Variants in EDC4 observed in about 807,000 individuals in gnomAD.
The protein encoded by EDC4 is enhancer of mRNA decapping 4.
Under a neutral mutation model 155.8 loss-of-function variants are expected in EDC4, and 64 were observed. That is an observed-to-expected ratio of 0.41 (90% CI 0.34 to 0.51). The LOEUF is 0.51. EDC4 is among the 20% of genes least tolerant of loss of function. The probability of loss-of-function intolerance (pLI) is 0.19; values close to 1 mark genes in which losing one functional copy is unlikely to be tolerated. For missense variants in EDC4, 1,303 were observed against 1,812.5 expected (o/e 0.72, Z 5.10); for synonymous variants, 684 against 716.8 (o/e 0.95, Z 0.73).
chr16:67,873,237 G>A lies in EDC4; in HGVS notation c.-25G>A, dbSNP rs1283323734. The A allele has an allele frequency of 2.9e-6, 4 of 1,384,032 alleles. No homozygotes were observed. Among genetic ancestry groups the A allele is most frequent in the Non-Finnish European group, 3.7e-6 (4 of 1,075,696 alleles). 85.7% of individuals were successfully genotyped at this position (1,384,032 alleles called of 1,614,324 possible). A position where few individuals can be genotyped will look rare whatever the true frequency, so the allele number is the denominator to read the frequency against. On this transcript the variant is annotated 5_prime_UTR_variant, in exon 1 of 29. Transcript: ENST00000358933. ...GGCGGCGGCGGAACGAACGCGGTGC[G>A]GGCGGGGCGCCCGCCGCAGGGCCCA...
rs1225187290 is a variant in EDC4, at chr16:67,877,261, A to G, written c.496A>G (p.Thr166Ala). The change falls in exon 5 of 29, where the codon ACT (threonine) becomes GCT (alanine). Residue 166 changes from threonine (T) to alanine (A), a missense_variant. Thr to Ala is a moderately conservative substitution (Grantham distance 58). This residue lies in a region of EDC4 where 51 missense variants were observed against 121.1 expected (regional missense o/e 0.42). Transcript: ENST00000358933. This position sits in a 1 kb window ranked among gnomAD's most constrained non-coding sequence, Gnocchi z 4.9. ...CATGGTGCGGGTGATCAGCGTCAGC[A>G]CTTCGGAGCGGACCTTGCTCAAGGG... ...SAMVRVISVS[T>A]SERTLLKGFT... 1 of 1,614,190 alleles carries G rather than the reference A, an allele frequency of 6.2e-7. No individual in the cohort carries two copies.
Position 67,875,966 on chromosome 16 carries a change from G to A in EDC4, c.104G>A (p.Arg35Gln), listed in dbSNP as rs374399401. ...PAGGPSAESP[R>Q]PSSAYNGDLN... ...CCAGGCCCCAGTGCAGAGAGCCCAC[G>A]GCCATCCAGTGCCTACAATGGGGAC... is the stretch of plus-strand genomic sequence containing the variant. The change falls in exon 2 of 29, where the codon CGG (arginine) becomes CAG (glutamine). Residue 35 changes from arginine to glutamine, a missense_variant. Around this residue, in one of 5 missense-constraint regions of EDC4, gnomAD observed 99 missense variants for 121.3 expected, o/e 0.82. Transcript: ENST00000358933. The A allele has an allele frequency of 1.4e-5, 22 of 1,613,774 alleles. No homozygotes were observed. Among genetic ancestry groups the A allele is most frequent in the Middle Eastern group, 3.4e-4 (2 of 5,956 alleles).
chr16:67,878,660 TG>T lies in EDC4; in HGVS notation c.1184+32del, dbSNP rs772594833. On this transcript the variant is annotated intron_variant, in intron 10 of 28. Transcript: ENST00000358933. The surrounding 1 kb of genome is among the most constrained non-coding windows in gnomAD (Gnocchi z 5.2). ...AGCAGTGGCTGGAAGGCTGGGGGAC[TG>T]GGCAGGGGCGGCAGGGTTGGGAATG... 1.1e-5 allele frequency: 17 copies of T among 1,614,084 alleles called. No individual in the cohort carries two copies. The South Asian group carries it at 1.1e-4, about 10-fold the overall frequency.
chr16:67,874,152 G>A (rs2151303774), intron 1 of EDC4, among the ~76,000 whole-genome samples: 1 of 152,222 alleles, frequency 6.6e-6, no homozygotes, highest in African/African-American at 2.4e-5. Flanking sequence ...TGTGAACAGG[G>A]GCTTGGGTGT....
Position 67,875,973 on chromosome 16 carries a change from C to T in EDC4, c.111C>T (p.Ser37=). ...GGPSAESPRP[S]SAYNGDLNGL... is the part of the protein sequence containing the mutation. Reference sequence around the variant, plus strand: ...CCAGTGCAGAGAGCCCACGGCCATCCAGTGCCTACAATGGGGACCTCAATG... The same window carrying T: ...CCAGTGCAGAGAGCCCACGGCCATCTAGTGCCTACAATGGGGACCTCAATG... The change falls in exon 2 of 29, where the codon TCC becomes TCT. Residue 37 remains serine (S), a synonymous_variant. Coordinates refer to ENST00000358933, the MANE Select transcript of EDC4 (RefSeq NM_014329.5). 1.9e-6 allele frequency: 3 copies of T among 1,614,064 alleles called. No individual in the cohort carries two copies. Among genetic ancestry groups the T allele is most frequent in the Non-Finnish European group, 2.5e-6 (3 of 1,180,016 alleles).
rs771266143 is a variant in EDC4 at position 67,877,730 on chromosome 16, G to A, written c.790-11G>A. 6.2e-7 allele frequency: 1 copy of A among 1,614,148 alleles called. No homozygotes were observed. Among genetic ancestry groups the A allele is most frequent in the Non-Finnish European group, 8.5e-7 (1 of 1,180,034 alleles). ...GGTTGGGCTGCACACTCACCTCCCT[G>A]TGCCTTCCAGGCTGAGGTGTGGGAC... is the stretch of plus-strand genomic sequence containing the variant. On this transcript the variant is annotated splice_polypyrimidine_tract_variant and intron_variant, in intron 6 of 28. Transcript: ENST00000358933. The surrounding 1 kb of genome is among the most constrained non-coding windows in gnomAD (Gnocchi z 4.9).
In EDC4 at chr16:67,877,667, T is replaced by C. The variant is rs944458985; in HGVS notation, c.789+11T>C. 6.2e-7 allele frequency: 1 copy of C among 1,613,976 alleles called. No homozygotes were observed. Among genetic ancestry groups the C allele is most frequent in the Non-Finnish European group, 8.5e-7 (1 of 1,180,018 alleles). On this transcript the variant is annotated intron_variant, in intron 6 of 28. Transcript: ENST00000358933. The surrounding 1 kb of genome is among the most constrained non-coding windows in gnomAD (Gnocchi z 4.9). ...CTGCATGAAGACCGGGTGAGGGGGCTGACATGGCGAAGAGGCGCCAGAGAA... is the reference window on the plus strand; with the variant it reads ...CTGCATGAAGACCGGGTGAGGGGGCCGACATGGCGAAGAGGCGCCAGAGAA...
Position 67,877,907 on chromosome 16 carries a change from C to A in EDC4, c.894+62C>A. Reference sequence around the variant, plus strand: ...ACTTCCTCATATCCATCTTCTGTTCCCTATATCCACAGCTGCCCGGGCAGC... The same window carrying A: ...ACTTCCTCATATCCATCTTCTGTTCACTATATCCACAGCTGCCCGGGCAGC... On this transcript the variant is annotated intron_variant, in intron 7 of 28. Coordinates refer to ENST00000358933, the MANE Select transcript of EDC4 (RefSeq NM_014329.5). The surrounding 1 kb of genome is among the most constrained non-coding windows in gnomAD (Gnocchi z 4.9). The A allele has an allele frequency of 6.3e-7, 1 of 1,598,930 alleles. No individual in the cohort carries two copies.
At chr16:67,875,639 C>A in intron 1 of EDC4, 1 of 890,990 alleles carries the variant, frequency 1.1e-6, no homozygotes, top group Non-Finnish European at 1.4e-6. Flanking sequence ...CTGACCCCTC[C>A]TATGCCCTCA....
Position 67,879,681 on chromosome 16 carries a change from T to C in EDC4, c.1728T>C (p.Pro576=), listed in dbSNP as rs1350829936. ...ACCTCCGACGAATCGTGGAGCTGCCTGCACCTGCCGACTTCCTCAGTCTGA... is the reference window on the plus strand; with the variant it reads ...ACCTCCGACGAATCGTGGAGCTGCCCGCACCTGCCGACTTCCTCAGTCTGA... ...QPDLRRIVEL[P]APADFLSLSS... is the part of the protein sequence containing the mutation. Residue 576 remains proline, a synonymous_variant, in exon 15 of 29, where the codon CCT becomes CCC. Coordinates refer to ENST00000358933, the MANE Select transcript of EDC4 (RefSeq NM_014329.5). The surrounding 1 kb of genome is among the most constrained non-coding windows in gnomAD (Gnocchi z 6.0). 2 of 1,614,154 alleles carry C rather than the reference T, an allele frequency of 1.2e-6. No homozygotes were observed. Among genetic ancestry groups the C allele is most frequent in the African/African-American group, 1.3e-5 (1 of 75,024 alleles).
Position 67,878,828 on chromosome 16 carries a change from G to A in EDC4, c.1276G>A (p.Val426Met). The part of the protein sequence containing the change: ...LSAEYLILSD[V>M]QRKVLYVMEL... ...AGCAGAATACCTGATTCTCAGCGAT[G>A]TGCAACGGAAGGTAGGCTGCCATGG... Residue 426 changes from valine (V) to methionine (M), a missense_variant, in exon 11 of 29, where the codon GTG (valine) becomes ATG (methionine). Coordinates refer to ENST00000358933, the MANE Select transcript of EDC4 (RefSeq NM_014329.5). This position sits in a 1 kb window ranked among gnomAD's most constrained non-coding sequence, Gnocchi z 5.2. 1 of 1,613,784 alleles carries A rather than the reference G, an allele frequency of 6.2e-7. No homozygotes were observed. Among genetic ancestry groups the A allele is most frequent in the Non-Finnish European group, 8.5e-7 (1 of 1,180,032 alleles).
At chr16:67,874,643 C>T (rs1411276451) in intron 1 of EDC4, among the ~76,000 whole-genome samples, 2 of 152,186 alleles carry the variant, frequency 1.3e-5, no homozygotes, top group Non-Finnish European at 2.9e-5. Flanking sequence ...CAGCTTGTCC[C>T]TGAGCAGCTA....
rs1253683032 is a variant in EDC4, at chr16:67,879,364, T to C, written c.1542-48T>C. The C allele has an allele frequency of 1.2e-6, 2 of 1,614,226 alleles. No homozygotes were observed. The highest frequency in any genetic ancestry group is 1.3e-5 in the African/African-American group (1 of 75,054). ...CTGTCTGTGTCTGTCTCCACTCTAC[T>C]GACCCTTGCCCTTGGAGCACTTTAT... On this transcript the variant is annotated intron_variant, in intron 13 of 28. Coordinates refer to ENST00000358933, the MANE Select transcript of EDC4 (RefSeq NM_014329.5). This position sits in a 1 kb window ranked among gnomAD's most constrained non-coding sequence, Gnocchi z 6.0.
At position 67,882,364 on chromosome 16, in the gene EDC4, T is replaced by A; in HGVS notation, c.3276+37T>A. 6.2e-7 allele frequency: 1 copy of A among 1,613,488 alleles called. No homozygotes were observed. The highest frequency in any genetic ancestry group is 1.3e-5 in the African/African-American group (1 of 74,996). On this transcript the variant is annotated intron_variant, in intron 24 of 28. Transcript: ENST00000358933. The surrounding 1 kb of genome is among the most constrained non-coding windows in gnomAD (Gnocchi z 7.2). Reference sequence around the variant, plus strand: ...CCCAAGATGTGGGTGGAGGTGGTGGTTCCTGGGCCTAGTCAGGCCAGGCTG... The same window carrying A: ...CCCAAGATGTGGGTGGAGGTGGTGGATCCTGGGCCTAGTCAGGCCAGGCTG...
Position 67,883,058 on chromosome 16 carries a change from C to G in EDC4, c.3730C>G (p.Gln1244Glu), listed in dbSNP as rs1277121643. 4 of 1,613,554 alleles carry G rather than the reference C, an allele frequency of 2.5e-6. 1 individual carries two copies. The Admixed American group carries it at 6.7e-5, about 27-fold the overall frequency. The part of the protein sequence containing the change: ...QQAAVTSSIM[Q>E]AMRSAAGTPV... ...GGCCGCCGTCACCTCCAGCATCATG[C>G]AGGCCATGCGCTCAGCTGCTGGCAC... Residue 1244 changes from glutamine to glutamate, a missense_variant, in exon 27 of 29, where the codon CAG becomes GAG. Gln to Glu is a conservative substitution (Grantham distance 29). Coordinates refer to ENST00000358933, the MANE Select transcript of EDC4 (RefSeq NM_014329.5). The surrounding 1 kb of genome is among the most constrained non-coding windows in gnomAD (Gnocchi z 5.3).
In EDC4 at chr16:67,879,795, G is replaced by T; in HGVS notation, c.1821+21G>T. Reference sequence around the variant, plus strand: ...AGCAGGTACTCTCCCAGGGTAGGGGGACCTGGGAATGCCTCAGCCACAGGC... The same window carrying T: ...AGCAGGTACTCTCCCAGGGTAGGGGTACCTGGGAATGCCTCAGCCACAGGC... On this transcript the variant is annotated intron_variant, in intron 15 of 28. Transcript: ENST00000358933. This position sits in a 1 kb window ranked among gnomAD's most constrained non-coding sequence, Gnocchi z 6.0. 1.2e-6 allele frequency: 2 copies of T among 1,613,448 alleles called. No individual in the cohort carries two copies. The highest frequency in any genetic ancestry group is 1.7e-4 in the Middle Eastern group (1 of 6,056).
In EDC4 at chr16:67,877,513, G is replaced by T; in HGVS notation, c.646G>T (p.Glu216Ter). ...AGCCCTTAACACCCTGCTCAGAGAA[G>T]AGATCTTGGTCCATATTCGGCAGCC... ...LALVNGKIQE[E>*]ILVHIRQPEG... The change falls in exon 6 of 29, where the codon GAG (glutamate) becomes TAG (stop). Residue 216 changes from glutamate to a stop codon, truncating the protein, a stop_gained. Transcript: ENST00000358933. LOFTEE classifies it high-confidence loss of function. The surrounding 1 kb of genome is among the most constrained non-coding windows in gnomAD (Gnocchi z 4.9). 1.2e-6 allele frequency: 2 copies of T among 1,614,182 alleles called. No homozygotes were observed. The highest frequency in any genetic ancestry group is 1.7e-6 in the Non-Finnish European group (2 of 1,180,030).
Position 67,876,457 on chromosome 16 carries a change from A to G in EDC4, c.240-31A>G. On this transcript the variant is annotated intron_variant, in intron 2 of 28. Transcript: ENST00000358933. The surrounding 1 kb of genome is among the most constrained non-coding windows in gnomAD (Gnocchi z 5.8). ...TGCCCGCTGAGCCTTTGGGTGAACA[A>G]GAGGCAAAGTTTTTGCACTCTTCCC... 1.9e-6 allele frequency: 3 copies of G among 1,610,606 alleles called. No homozygotes were observed. The highest frequency in any genetic ancestry group is 2.5e-6 in the Non-Finnish European group (3 of 1,177,782).
chr16:67,873,572 A>T (rs2058029853), intron 1 of EDC4: 1 of 410,742 alleles, frequency 2.4e-6, no homozygotes, highest in Non-Finnish European at 4.3e-6. Context: ...TCTCGGTTGA[A>T]GGTGAGGCGC....
Sources: allele counts gnomAD v4.1 joint callset (sites outside exome capture counted in the v4.1 genomes callset), GRCh38; gene constraint gnomAD v4.1.1; regional missense constraint gnomAD v4.1.1; non-coding constraint Gnocchi (gnomAD v3.1); transcripts MANE v1.5; gene names NCBI Gene and HGNC (gene_info 2026-07-23, HGNC 2026-07-21).